ASH1L: variants seen among roughly 807,000 people sequenced by gnomAD.
The protein encoded by ASH1L is histone-lysine N-methyltransferase ASH1L.
A neutral mutation model predicts 269.0 loss-of-function variants in ASH1L; 23 were observed. That is an observed-to-expected ratio of 0.09 (90% CI 0.06 to 0.12). The LOEUF is 0.12. ASH1L is among the 10% of genes least tolerant of loss of function. The probability of loss-of-function intolerance (pLI) is 1.00; values close to 1 mark genes in which losing one functional copy is unlikely to be tolerated. For synonymous variants in ASH1L, 1,187 were observed against 1,253.5 expected, an observed-to-expected ratio of 0.95 and a Z score of 1.12; for missense variants, 2,912 against 3,567.8, an observed-to-expected ratio of 0.82 and a Z score of 4.68.
At chr1:155,347,616 TC>T (rs1480731855) in intron 20 of ASH1L, 39 bp downstream of exon 20, 4 of 1,608,794 alleles carry the variant, frequency 2.5e-6, no homozygotes, top group Non-Finnish European at 3.4e-6. Context: ...GTCACCGTGT[TC>T]ATCAGGACCA....
chr1:155,497,737 A>G (rs528731122), intron 2 of ASH1L, among the ~76,000 whole-genome samples: 1 of 151,748 alleles, frequency 6.6e-6, no homozygotes, highest in South Asian at 2.1e-4. Flanking sequence ...ATTCAGCCAT[A>G]AAAGAAGAAA....
chr1:155,407,879 C>T (rs2148516469), intron 6 of ASH1L, among the ~76,000 whole-genome samples: 1 of 151,996 alleles, frequency 6.6e-6, no homozygotes, highest in East Asian at 1.9e-4. Flanking sequence ...ATTTATATTA[C>T]ATATATTCCA....
chr1:155,487,515 G>A (rs2148750011), intron 2 of ASH1L, among the ~76,000 whole-genome samples: 1 of 152,142 alleles, frequency 6.6e-6, no homozygotes, highest in East Asian at 1.9e-4. Flanking sequence ...GCAGGCACAA[G>A]CCACCATGTC....
At chr1:155,526,333 T>C (rs570243661) in intron 1 of ASH1L, among the ~76,000 whole-genome samples, 18 of 152,244 alleles carry the variant, frequency 1.2e-4, no homozygotes, top group Non-Finnish European at 1.9e-4. Context: ...ATGAGAAAAC[T>C]ATACACAAGT....
At chr1:155,420,779 G>A (rs902305282) in intron 5 of ASH1L, among the ~76,000 whole-genome samples, 7 of 151,672 alleles carry the variant, frequency 4.6e-5, no homozygotes, top group African/African-American at 1.7e-4. Flanking sequence ...GAGCCCGGGA[G>A]GTGGAGGTTG....
chr1:155,428,702 C>T (rs1661369151), intron 5 of ASH1L, among the ~76,000 whole-genome samples: 1 of 152,196 alleles, frequency 6.6e-6, no homozygotes. Context: ...GGACATGCTC[C>T]TGCTGCAGGT....
chr1:155,554,569 G>A (rs1455480564), intron 1 of ASH1L, among the ~76,000 whole-genome samples: 1 of 152,080 alleles, frequency 6.6e-6, no homozygotes, highest in East Asian at 1.9e-4. Flanking sequence ...ACCATGCCCA[G>A]CCTGAATTTT....
intron 25 of ASH1L, among the ~76,000 whole-genome samples, chr1:155,341,481 A>G (rs1652815258): frequency 6.6e-6 from 1 of 152,134 alleles, no homozygotes; most frequent in Non-Finnish European, 1.5e-5. Context: ...TGGCTCACAA[A>G]TTTTATATAA....
intron 5 of ASH1L, among the ~76,000 whole-genome samples, chr1:155,432,251 A>G (rs1661666843): frequency 6.6e-6 from 1 of 152,174 alleles, no homozygotes; most frequent in African/African-American, 2.4e-5. Context: ...ACTCCTTTAA[A>G]TAACAGATGA....
At chr1:155,432,669 T>C (rs1661695128) in intron 5 of ASH1L, among the ~76,000 whole-genome samples, 1 of 152,140 alleles carries the variant, frequency 6.6e-6, no homozygotes, top group Non-Finnish European at 1.5e-5. Flanking sequence ...TGTGAAAAAG[T>C]ATGTGTTTAA....
At chr1:155,391,118 G>T (rs1239058514) in intron 7 of ASH1L, among the ~76,000 whole-genome samples, 1 of 152,008 alleles carries the variant, frequency 6.6e-6, no homozygotes, top group African/African-American at 2.4e-5. Flanking sequence ...GCTAATTTTT[G>T]TATTTTTGGC....
intron 1 of ASH1L, among the ~76,000 whole-genome samples, chr1:155,534,960 C>T (rs929521651): frequency 2.6e-5 from 4 of 152,130 alleles, no homozygotes; most frequent in African/African-American, 9.7e-5. Flanking sequence ...CAGGCCAAGG[C>T]GGGTGGATCA....
intron 3 of ASH1L, among the ~76,000 whole-genome samples, chr1:155,474,356 G>C (rs570511049): frequency 1.3e-5 from 2 of 152,018 alleles, no homozygotes; most frequent in Non-Finnish European, 2.9e-5. Context: ...GATACCCAAC[G>C]ACCTTCTCAA....
intron 16 of ASH1L, 60 bp from the exon 17 acceptor site, chr1:155,352,918 T>C: frequency 4.1e-6 from 6 of 1,477,850 alleles, no homozygotes; most frequent in Non-Finnish European, 5.5e-6. Context: ...TGTCTTTCTC[T>C]TTCCCAATGG....
rs777788834 is a variant in ASH1L, at chr1:155,342,000, A to G, written c.8396T>C (p.Val2799Ala). Reference protein sequence around the residue: ...FYKIHRNRYPVCTKPYAFDHF... With the variant: ...FYKIHRNRYPACTKPYAFDHF... ...ATCAAAAGCATAGGGTTTGGTGCAG[A>G]CAGGATAGCGGTTCCGGTGGATCTT... Residue 2799 changes from valine to alanine, a missense_variant, in exon 25 of 28, where the codon GTC becomes GCC. Val to Ala is a moderately conservative substitution (Grantham distance 64). This residue lies in a region of ASH1L where 179 missense variants were observed against 293.8 expected (regional missense o/e 0.61). Transcript: ENST00000392403. The G allele has an allele frequency of 1.9e-6, 3 of 1,614,044 alleles. No individual in the cohort carries two copies. In the African/African-American group the frequency reaches 4.0e-5, roughly 22 times the overall value.
At chr1:155,467,017 G>A (rs1300738378) in intron 3 of ASH1L, among the ~76,000 whole-genome samples, 1 of 151,852 alleles carries the variant, frequency 6.6e-6, no homozygotes, top group Non-Finnish European at 1.5e-5. Context: ...CATCATCACT[G>A]AATGCACCAA....
intron 1 of ASH1L, among the ~76,000 whole-genome samples, chr1:155,545,971 A>C (rs756383539): frequency 6.6e-6 from 1 of 152,070 alleles, no homozygotes; most frequent in Non-Finnish European, 1.5e-5. Context: ...AGCCTGGCCA[A>C]TGTGGTGAAA....
chr1:155,346,048 G>C, intron 21 of ASH1L: 1 of 644,584 alleles, frequency 1.6e-6, no homozygotes, highest in South Asian at 1.6e-5. Context: ...TGCCCAGGCT[G>C]GTCTCGAACT....
chr1:155,424,130 G>A (rs1158190667), intron 5 of ASH1L, among the ~76,000 whole-genome samples: 3 of 152,118 alleles, frequency 2.0e-5, no homozygotes, highest in Non-Finnish European at 2.9e-5. Flanking sequence ...CTTTTCTCTT[G>A]TTCTTGGAAG....
Sources: allele counts gnomAD v4.1 joint callset (sites outside exome capture counted in the v4.1 genomes callset), GRCh38; gene constraint gnomAD v4.1.1; regional missense constraint gnomAD v4.1.1; transcripts MANE v1.5; gene names NCBI Gene and HGNC (gene_info 2026-07-23, HGNC 2026-07-21).